Variants in PRR16 observed in about 807,000 individuals in gnomAD.
PRR16 encodes proline rich 16.
A neutral mutation model predicts 18.2 loss-of-function variants in PRR16; 6 were observed. The ratio of observed to expected loss-of-function variants is 0.33; its 90% CI spans 0.18 to 0.65. The LOEUF (loss-of-function observed/expected upper bound fraction) is 0.65, where lower values mean the gene tolerates loss of function less well. Among genes scored for constraint, PRR16 ranks in the 30% least tolerant of loss-of-function variants. The probability of loss-of-function intolerance (pLI) is 0.74; values close to 1 mark genes in which losing one functional copy is unlikely to be tolerated. For synonymous variants in PRR16, 151 were observed against 147.8 expected (o/e 1.02, Z -0.16); for missense variants, 412 against 376.6 (o/e 1.09, Z -0.78).
chr5:120,752,726 T>G, the PRR16 span, among the ~76,000 whole-genome samples: 2 of 152,032 alleles, frequency 1.3e-5, no homozygotes, highest in Non-Finnish European at 2.9e-5. Context: ...GTTATAAGTT[T>G]CTATTTCTTC....
chr5:120,613,725 A>G (rs1348247647), intron 1 of PRR16, among the ~76,000 whole-genome samples: 3 of 152,128 alleles, frequency 2.0e-5, no homozygotes, highest in Admixed American at 2.0e-4. Context: ...GCACTAACAC[A>G]TCGTTTAGAT....
intron 1 of PRR16, among the ~76,000 whole-genome samples, chr5:120,516,284 G>T (rs953768017): frequency 6.6e-6 from 1 of 152,094 alleles, no homozygotes; most frequent in Admixed American, 6.6e-5. Flanking sequence ...AATTAGCTGG[G>T]TGTGGTGGCG....
the PRR16 span, among the ~76,000 whole-genome samples, chr5:120,769,317 T>C: frequency 6.6e-6 from 1 of 151,812 alleles, no homozygotes; most frequent in Non-Finnish European, 1.5e-5. Flanking sequence ...ATACAACACA[T>C]GCCAAAGTTT....
intron 1 of PRR16, among the ~76,000 whole-genome samples, chr5:120,506,583 C>T (rs923077019): frequency 2.6e-5 from 4 of 151,906 alleles, no homozygotes; most frequent in South Asian, 4.2e-4. Flanking sequence ...GAGATGATAC[C>T]GTATCATAGT....
intron 1 of PRR16, among the ~76,000 whole-genome samples, chr5:120,672,968 T>G (rs1251979532): frequency 1.3e-5 from 2 of 152,182 alleles, no homozygotes; most frequent in Admixed American, 1.3e-4. Flanking sequence ...GAAGGATGTT[T>G]CCTTTGCCAC....
intron 1 of PRR16, among the ~76,000 whole-genome samples, chr5:120,611,529 C>G (rs1754333467): frequency 6.6e-6 from 1 of 152,176 alleles, no homozygotes; most frequent in African/African-American, 2.4e-5. Flanking sequence ...CCGTGCCAGC[C>G]TTGGTTGAAA....
the PRR16 span, among the ~76,000 whole-genome samples, chr5:120,789,165 CAATT>C: frequency 1.9e-3 from 286 of 152,078 alleles, no homozygotes; most frequent in Middle Eastern, 6.8e-3. Context: ...ACTTATAAAT[CAATT>C]AATCATTATA....
chr5:120,768,182 A>G, the PRR16 span, among the ~76,000 whole-genome samples: 1 of 151,810 alleles, frequency 6.6e-6, no homozygotes, highest in Non-Finnish European at 1.5e-5. Context: ...CAACCTTAAT[A>G]CATATTTTAA....
chr5:120,771,587 T>C, the PRR16 span, among the ~76,000 whole-genome samples: 6 of 152,168 alleles, frequency 3.9e-5, no homozygotes, highest in South Asian at 1.2e-3. Flanking sequence ...GAAACCATAA[T>C]AAAGTCATTT....
chr5:120,466,290 A>G (rs1299402649), intron 1 of PRR16, among the ~76,000 whole-genome samples: 3 of 152,222 alleles, frequency 2.0e-5, no homozygotes, highest in Admixed American at 6.5e-5. Flanking sequence ...CATCTGAAAC[A>G]TGGCGTTTTA....
chr5:120,762,891 A>G, the PRR16 span, among the ~76,000 whole-genome samples: 1 of 152,086 alleles, frequency 6.6e-6, no homozygotes, highest in Non-Finnish European at 1.5e-5. Context: ...TTCTACTAAC[A>G]TTGTAACTTG....
the PRR16 span, among the ~76,000 whole-genome samples, chr5:120,697,788 A>G: frequency 6.6e-6 from 1 of 152,132 alleles, no homozygotes; most frequent in Non-Finnish European, 1.5e-5. Context: ...AGCCAGGATG[A>G]GCCAGGAAAA....
chr5:120,550,226 G>A (rs1014983397), intron 1 of PRR16, among the ~76,000 whole-genome samples: 1 of 151,996 alleles, frequency 6.6e-6, no homozygotes, highest in Non-Finnish European at 1.5e-5. Context: ...TATGAAGTTC[G>A]AGACATCCCA....
chr5:120,734,225 C>A, the PRR16 span, among the ~76,000 whole-genome samples: 1 of 152,146 alleles, frequency 6.6e-6, no homozygotes, highest in African/African-American at 2.4e-5. Context: ...ACCATCTGGG[C>A]TTCCCAGGGA....
the PRR16 span, among the ~76,000 whole-genome samples, chr5:120,784,910 G>C: frequency 6.6e-6 from 1 of 152,168 alleles, no homozygotes; most frequent in Admixed American, 6.5e-5. Context: ...ATGGTTCTCA[G>C]GTGTTAGGTG....
intron 1 of PRR16, among the ~76,000 whole-genome samples, chr5:120,678,058 G>C (rs1427282229): frequency 6.6e-6 from 1 of 151,548 alleles, no homozygotes; most frequent in East Asian, 1.9e-4. Flanking sequence ...TACAGGCGCC[G>C]GCCACCACGC....
At chr5:120,482,471 T>G (rs745727644) in intron 1 of PRR16, among the ~76,000 whole-genome samples, 5 of 152,230 alleles carry the variant, frequency 3.3e-5, no homozygotes, top group Admixed American at 6.5e-5. Flanking sequence ...CATTCTTTGT[T>G]ATGACTGTAT....
chr5:120,483,250 A>G (rs962919832), intron 1 of PRR16, among the ~76,000 whole-genome samples: 1 of 152,180 alleles, frequency 6.6e-6, no homozygotes, highest in Non-Finnish European at 1.5e-5. Flanking sequence ...TGTAAATGAC[A>G]CAGATTACCT....
At chr5:120,754,563 A>G in the PRR16 span, among the ~76,000 whole-genome samples, 2 of 63,260 alleles carry the variant, frequency 3.2e-5, no homozygotes, top group East Asian at 1.7e-3. Flanking sequence ...TATATATTAT[A>G]TAATATATTT....
Sources: gnomAD v4.1 joint callset for allele counts (sites outside exome capture counted in the v4.1 genomes callset) on GRCh38, gnomAD v4.1.1 for gene constraint, MANE v1.5 for transcripts, NCBI Gene and HGNC (gene_info 2026-07-23, HGNC 2026-07-21) for gene names.